Variants in DDX27 observed in about 807,000 individuals in gnomAD.
DDX27 encodes probable ATP-dependent RNA helicase DDX27.
Under a neutral mutation model 99.3 loss-of-function variants are expected in DDX27, and 42 were observed. The observed-to-expected ratio is 0.42, with a 90% CI of 0.33 to 0.55. DDX27 has a LOEUF of 0.55. Among genes scored for constraint, DDX27 ranks in the 20% least tolerant of loss-of-function variants. The pLI is 0.07. For missense variants in DDX27, 798 were observed against 976.8 expected (o/e 0.82, Z 2.44); for synonymous variants, 329 against 353.8 (o/e 0.93, Z 0.79).
chr20:49,242,454 AG>A, intron 18 of DDX27, 139 bp from the exon 19 acceptor site: 1 of 1,046,028 alleles, frequency 9.6e-7, no homozygotes, highest in South Asian at 1.5e-5. Flanking sequence ...TGCTACTTGG[AG>A]GAGCTGGTGA....
rs199602659 is a variant in DDX27, at chr20:49,241,976, G to C, written c.1981G>C (p.Gly661Arg). 2 of 1,613,794 alleles carry C rather than the reference G, an allele frequency of 1.2e-6. No individual in the cohort carries two copies. The highest frequency in any genetic ancestry group is 2.2e-5 in the East Asian group (1 of 44,888). The change falls in exon 17 of 21, where the codon GGG becomes CGG. Residue 661 changes from glycine to arginine, a missense_variant. Gly to Arg is a moderately radical substitution (Grantham distance 125). Around this residue, in one of 2 missense-constraint regions of DDX27, gnomAD observed 553 missense variants for 727.9 expected, o/e 0.76. Transcript: ENST00000618172. ...GTTTATGAAGGATGCCAAAAAAAAG[G>C]GGGAGATGACAGTGAGTGGCCTCCC... ...KKFMKDAKKK[G>R]EMTAEERSQF... is the part of the protein sequence containing the mutation.
At position 49,242,366 on chromosome 20, in the gene DDX27, C is replaced by T. The variant is rs149873356; in HGVS notation, c.2116+160C>T. 9.0e-3 allele frequency among the ~76,000 whole-genome samples: 1,370 copies of T among 152,230 alleles called. 29 individuals are homozygous for T. The highest frequency in any genetic ancestry group is 0.03 in the African/African-American group (1,240 of 41,552). ...AGCTATCCCTCCACGGTCTAAGGGG[C>T]GCAGTGACCTTGTGGTTGTTGAGAA... is the stretch of plus-strand genomic sequence containing the variant. On this transcript the variant is annotated intron_variant, in intron 18 of 20. Coordinates refer to ENST00000618172, the MANE Select transcript of DDX27 (RefSeq NM_017895.8).
intron 6 of DDX27, among the ~76,000 whole-genome samples, chr20:49,225,793 CTCT>C (rs899399572): frequency 3.3e-5 from 5 of 152,132 alleles, no homozygotes; most frequent in Non-Finnish European, 5.9e-5. Flanking sequence ...CGTGTCCCTC[CTCT>C]TCTTCTCTGA....
At position 49,227,073 on chromosome 20, in the gene DDX27, G is replaced by A. The variant is rs190837148; in HGVS notation, c.706+538G>A. 9.8e-3 allele frequency among the ~76,000 whole-genome samples: 1,465 copies of A among 149,578 alleles called. 24 individuals are homozygous for A. The highest frequency in any genetic ancestry group is 0.031 in the African/African-American group (1,266 of 40,632). ...GAGACGGGGTTTCACCGTTTTAGCCGGGATGGTCTTGATCTCCTGACCTCG... is the reference window on the plus strand; with the variant it reads ...GAGACGGGGTTTCACCGTTTTAGCCAGGATGGTCTTGATCTCCTGACCTCG... On this transcript the variant is annotated intron_variant, in intron 7 of 20. Transcript: ENST00000618172.
At chr20:49,238,737 G>T (rs887979218) in intron 14 of DDX27, 29 of 545,600 alleles carry the variant, frequency 5.3e-5, no homozygotes, top group Non-Finnish European at 7.7e-5. Context: ...CAAAGCGTGG[G>T]ATTACAGGCA....
intron 3 of DDX27, 99 bp downstream of exon 3, chr20:49,223,115 G>A: frequency 7.2e-7 from 1 of 1,393,914 alleles, no homozygotes; most frequent in Non-Finnish European, 9.9e-7. Context: ...GCGGGGCATG[G>A]CTGGGGCAGG....
At chr20:49,243,430 A>C (rs896902619) in intron 19 of DDX27, among the ~76,000 whole-genome samples, 199 bp from the exon 20 acceptor site, 1 of 152,178 alleles carries the variant, frequency 6.6e-6, no homozygotes, top group Non-Finnish European at 1.5e-5. Flanking sequence ...GGCCTCTTCC[A>C]ACCTTGTTTT....
chr20:49,223,407 C>T lies in DDX27; in HGVS notation c.440C>T (p.Ala147Val). ...GCCTCGGAGACTGACTACTCATCAG[C>T]TGATGAGAACATCCTCACCAAAGCA... ...DEASETDYSSADENILTKADT... is the reference protein window; with the variant it reads ...DEASETDYSSVDENILTKADT... The change falls in exon 4 of 21, where the codon GCT becomes GTT. Residue 147 changes from alanine (A) to valine (V), a missense_variant. This residue lies in a region of DDX27 where 245 missense variants were observed against 248.8 expected (regional missense o/e 0.98). Transcript: ENST00000618172. 1 of 1,612,164 alleles carries T rather than the reference C, an allele frequency of 6.2e-7. No homozygotes were observed. The highest frequency in any genetic ancestry group is 8.5e-7 in the Non-Finnish European group (1 of 1,179,498).
chr20:49,224,783 C>T (rs1979816600), intron 4 of DDX27, 162 bp from the exon 5 acceptor site: 1 of 715,604 alleles, frequency 1.4e-6, no homozygotes, highest in Admixed American at 2.8e-5. Flanking sequence ...AGGCAAGTTA[C>T]TTCACCATGC....
Position 49,236,068 on chromosome 20 carries a change from CT to C in DDX27, c.1428-81del, listed in dbSNP as rs1980295939. 1 of 1,367,364 alleles carries C rather than the reference CT, an allele frequency of 7.3e-7. No homozygotes were observed. Among genetic ancestry groups the C allele is most frequent in the Admixed American group, 2.0e-5 (1 of 49,482 alleles). The allele number at this position is 1,367,364 out of a possible 1,614,324, so 84.7% of individuals were successfully genotyped here. Reference sequence around the variant, plus strand: ...TCTATCCCCATTTTAATGCCCTGTTCTGTCCTCTGCTGGCTCAGGCTCTTGT... The same window carrying C: ...TCTATCCCCATTTTAATGCCCTGTTCGTCCTCTGCTGGCTCAGGCTCTTGT... On this transcript the variant is annotated intron_variant, in intron 12 of 20. Transcript: ENST00000618172. This position sits in a 1 kb window ranked among gnomAD's most constrained non-coding sequence, Gnocchi z 4.1.
intron 7 of DDX27, among the ~76,000 whole-genome samples, chr20:49,227,405 C>T (rs1979937265): frequency 1.3e-5 from 2 of 152,176 alleles, no homozygotes; most frequent in South Asian, 2.1e-4. Context: ...CTCACTCTGT[C>T]ACCCAGGCTG....
chr20:49,226,857 CTTTTTTTTTT>C (rs36048579), intron 7 of DDX27, among the ~76,000 whole-genome samples: 12 of 63,460 alleles, frequency 1.9e-4, no homozygotes, highest in Non-Finnish European at 2.5e-4. Context: ...GAGTAAAGGA[CTTTTTTTTTT>C]TTTTTTTTTT....
chr20:49,232,133 T>C (rs982186827), intron 9 of DDX27, among the ~76,000 whole-genome samples: 1 of 152,100 alleles, frequency 6.6e-6, no homozygotes, highest in Non-Finnish European at 1.5e-5. Context: ...GACACCCTTC[T>C]GCCTCGGCTT....
chr20:49,235,865 TC>T (rs1393400631), intron 12 of DDX27: 2 of 194,560 alleles, frequency 1.0e-5, no homozygotes, highest in African/African-American at 4.7e-5. Flanking sequence ...TGCCTCAGCC[TC>T]CCAAGTAGCT....
intron 16 of DDX27, 179 bp from the exon 17 acceptor site, chr20:49,241,714 C>T (rs1568977918): frequency 1.5e-6 from 1 of 659,846 alleles, no homozygotes; most frequent in South Asian, 1.9e-5. Context: ...GGTGATCCAC[C>T]CACCTCAGCC....
chr20:49,221,568 G>A lies in DDX27; in HGVS notation c.210G>A (p.Leu70=), dbSNP rs770023958. The A allele has an allele frequency of 6.2e-6, 10 of 1,610,032 alleles. No individual in the cohort carries two copies. The East Asian group carries it at 2.2e-4, about 36-fold the overall frequency. ...KEGTYDGSWA[L]ADVMSQLKKK... is the part of the protein sequence containing the mutation. Reference sequence around the variant, plus strand: ...GGACGTACGATGGCAGCTGGGCCCTGGCTGATGTCATGAGCCAACTCAAGA... The same window carrying A: ...GGACGTACGATGGCAGCTGGGCCCTAGCTGATGTCATGAGCCAACTCAAGA... Residue 70 remains leucine (L), a synonymous_variant, in exon 2 of 21, where the codon CTG becomes CTA. Coordinates refer to ENST00000618172, the MANE Select transcript of DDX27 (RefSeq NM_017895.8).
chr20:49,222,738 C>T (rs1391970731), intron 2 of DDX27, among the ~76,000 whole-genome samples: 1 of 152,056 alleles, frequency 6.6e-6, no homozygotes, highest in Non-Finnish European at 1.5e-5. Flanking sequence ...GTCTCGAACT[C>T]CTGACCTCAG....
intron 9 of DDX27, among the ~76,000 whole-genome samples, chr20:49,231,300 G>A (rs985367316): frequency 6.6e-6 from 1 of 152,102 alleles, no homozygotes; most frequent in African/African-American, 2.4e-5. Context: ...CATGAACAAG[G>A]GCATGTCTAG....
At chr20:49,239,104 G>A in intron 15 of DDX27, 49 bp downstream of exon 15, 2 of 1,551,532 alleles carry the variant, frequency 1.3e-6, no homozygotes, top group African/African-American at 1.4e-5. Flanking sequence ...CAGTAAGCAA[G>A]CTGCTGCATC....
Sources: allele counts gnomAD v4.1 joint callset (sites outside exome capture counted in the v4.1 genomes callset), GRCh38; gene constraint gnomAD v4.1.1; regional missense constraint gnomAD v4.1.1; non-coding constraint Gnocchi (gnomAD v3.1); transcripts MANE v1.5; gene names NCBI Gene and HGNC (gene_info 2026-07-23, HGNC 2026-07-21).